DCDC2: variants seen among roughly 807,000 people sequenced by gnomAD.
DCDC2 encodes the protein doublecortin domain containing 2, also known as doublecortin domain-containing protein 2.
Under a neutral mutation model 50.2 loss-of-function variants are expected in DCDC2, and 40 were observed. The observed-to-expected ratio is 0.80, with a 90% CI of 0.62 to 1.04. The LOEUF (loss-of-function observed/expected upper bound fraction) is 1.04, where lower values mean the gene tolerates loss of function less well. Among genes scored for constraint, DCDC2 ranks in the 50% least tolerant of loss-of-function variants. The pLI, the probability that DCDC2 is intolerant of heterozygous loss-of-function variation, is 0.00. For synonymous variants in DCDC2, 234 were observed against 210.6 expected, an observed-to-expected ratio of 1.11 and a Z score of -0.96; for missense variants, 570 against 581.9, an observed-to-expected ratio of 0.98 and a Z score of 0.21.
chr6:24,353,688 T>C, intron 1 of DCDC2, 65 bp from the exon 2 acceptor site: 1 of 1,016,556 alleles, frequency 9.8e-7, no homozygotes, highest in Non-Finnish European at 1.4e-6. Context: ...AATTTATTTT[T>C]AAAAATCATA....
At chr6:24,267,876 G>A (rs1175520273) in intron 7 of DCDC2, among the ~76,000 whole-genome samples, 1 of 152,160 alleles carries the variant, frequency 6.6e-6, no homozygotes, top group African/African-American at 2.4e-5. Context: ...CTACTGATCT[G>A]ATCAGAATCA....
intron 7 of DCDC2, among the ~76,000 whole-genome samples, chr6:24,207,281 TCTCTCTCA>T (rs1480786014): frequency 1.3e-5 from 2 of 150,934 alleles, no homozygotes; most frequent in South Asian, 2.1e-4. Flanking sequence ...TCTCTCTCTC[TCTCTCTCA>T]GACACACACA....
intron 4 of DCDC2, among the ~76,000 whole-genome samples, chr6:24,300,614 G>A (rs577178388): frequency 6.6e-6 from 1 of 152,126 alleles, no homozygotes; most frequent in Non-Finnish European, 1.5e-5. Context: ...ATTAATATGT[G>A]TAAATATACA....
At chr6:24,229,294 C>G (rs1460978507) in intron 7 of DCDC2, among the ~76,000 whole-genome samples, 2 of 152,162 alleles carry the variant, frequency 1.3e-5, no homozygotes, top group Non-Finnish European at 2.9e-5. Context: ...GCTCATGGCC[C>G]CCATCCATCC....
intron 8 of DCDC2, among the ~76,000 whole-genome samples, chr6:24,193,778 T>C (rs904222142): frequency 6.6e-6 from 1 of 152,012 alleles, no homozygotes; most frequent in Non-Finnish European, 1.5e-5. Flanking sequence ...CTATTTTTGA[T>C]AGGGGGAACG....
chr6:24,361,883 C>T (rs190785817), upstream of DCDC2, among the ~76,000 whole-genome samples: 101 of 152,240 alleles, frequency 6.6e-4, no homozygotes, highest in African/African-American at 2.3e-3. Context: ...ATTCATTTAT[C>T]CAGATGTCTC....
intron 7 of DCDC2, among the ~76,000 whole-genome samples, chr6:24,244,330 T>G (rs1426451611): frequency 6.6e-6 from 1 of 152,184 alleles, no homozygotes. Context: ...AGATTTTTCT[T>G]CAAAAAAGTA....
At chr6:24,247,622 C>T (rs1334425556) in intron 7 of DCDC2, among the ~76,000 whole-genome samples, 2 of 152,100 alleles carry the variant, frequency 1.3e-5, no homozygotes, top group African/African-American at 4.8e-5. Flanking sequence ...AGATATATGC[C>T]GAGCTCCTTT....
intron 7 of DCDC2, among the ~76,000 whole-genome samples, chr6:24,249,024 C>T (rs1464387468): frequency 2.0e-5 from 3 of 152,038 alleles, no homozygotes; most frequent in Non-Finnish European, 4.4e-5. Context: ...AAATGAAATA[C>T]CAAGTGTCAG....
At chr6:24,284,867 T>A (rs562460562) in intron 6 of DCDC2, among the ~76,000 whole-genome samples, 1 of 152,146 alleles carries the variant, frequency 6.6e-6, no homozygotes, top group Non-Finnish European at 1.5e-5. Flanking sequence ...CTGGCACAAT[T>A]GGCTGTGTTA....
intron 2 of DCDC2, among the ~76,000 whole-genome samples, chr6:24,319,712 A>T (rs1759737403): frequency 6.6e-6 from 1 of 152,294 alleles, no homozygotes; most frequent in Non-Finnish European, 1.5e-5. Flanking sequence ...TTTGTGCAAA[A>T]GGACAGGATA....
chr6:24,179,507 C>G (rs1170083968), intron 8 of DCDC2, among the ~76,000 whole-genome samples: 44 of 120,024 alleles, frequency 3.7e-4, no homozygotes, highest in Admixed American at 7.8e-4. Flanking sequence ...GAGATCGCGC[C>G]ACTGCACTCC....
At chr6:24,203,152 G>GA (rs1761625658) in intron 8 of DCDC2, among the ~76,000 whole-genome samples, 1 of 151,740 alleles carries the variant, frequency 6.6e-6, no homozygotes, top group Non-Finnish European at 1.5e-5. Context: ...GTTCATATGG[G>GA]ACCAAAAAAG....
chr6:24,256,280 T>G (rs962624707), intron 7 of DCDC2, among the ~76,000 whole-genome samples: 1 of 151,818 alleles, frequency 6.6e-6, no homozygotes, highest in East Asian at 1.9e-4. Flanking sequence ...GGACATTTTT[T>G]TTTTTTTTTT....
At chr6:24,245,967 T>C (rs1762662397) in intron 7 of DCDC2, among the ~76,000 whole-genome samples, 1 of 152,198 alleles carries the variant, frequency 6.6e-6, no homozygotes, top group Admixed American at 6.5e-5. Flanking sequence ...ATATTATTAG[T>C]GATCTGAGAG....
intron 6 of DCDC2, among the ~76,000 whole-genome samples, chr6:24,279,168 G>A (rs1458880466): frequency 4.8e-4 from 73 of 152,208 alleles, no homozygotes; most frequent in Non-Finnish European, 4.4e-5. Context: ...GGGGGCTACT[G>A]CAAGGAACAG....
At chr6:24,295,706 C>T (rs1759216442) in intron 4 of DCDC2, among the ~76,000 whole-genome samples, 1 of 152,124 alleles carries the variant, frequency 6.6e-6, no homozygotes, top group South Asian at 2.1e-4. Flanking sequence ...ATATCAGGAG[C>T]ACATTTTCAT....
intron 4 of DCDC2, among the ~76,000 whole-genome samples, chr6:24,293,380 T>C (rs554975446): frequency 2.6e-5 from 4 of 152,162 alleles, no homozygotes; most frequent in African/African-American, 9.7e-5. Flanking sequence ...TACTGATGCA[T>C]AGGGAGGGGC....
At chr6:24,358,914 A>ATATATTATATATATTATATAT (rs1461313525), upstream of DCDC2, among the ~76,000 whole-genome samples, 12 of 35,980 alleles carry the variant, frequency 3.3e-4, 1 homozygote, top group African/African-American at 1.5e-3. Flanking sequence ...ATTATATATT[A>ATATATTATATATATTATATAT]TATATATTAT....
Sources: allele counts gnomAD v4.1 joint callset (sites outside exome capture counted in the v4.1 genomes callset), GRCh38; gene constraint gnomAD v4.1.1; transcripts MANE v1.5; gene names NCBI Gene and HGNC (gene_info 2026-07-23, HGNC 2026-07-21).